The following SH3RF3 variants were observed in gnomAD, a reference collection of about 807,000 sequenced individuals.
The protein encoded by SH3RF3 is E3 ubiquitin-protein ligase SH3RF3.
A neutral mutation model predicts 66.3 loss-of-function variants in SH3RF3; 29 were observed. That is an observed-to-expected ratio of 0.44 (90% confidence interval 0.33 to 0.60). SH3RF3 has a LOEUF of 0.60. SH3RF3 is among the 20% of genes least tolerant of loss of function. The probability of loss-of-function intolerance (pLI) is 0.04; values close to 1 mark genes in which losing one functional copy is unlikely to be tolerated. For missense variants in SH3RF3, 1,194 were observed against 1,190.9 expected, an observed-to-expected ratio of 1.00 and a Z score of -0.04; for synonymous variants, 583 against 532.0, an observed-to-expected ratio of 1.10 and a Z score of -1.32.
intron 4 of SH3RF3, among the ~76,000 whole-genome samples, chr2:109,401,765 T>C (rs1020385378): frequency 6.6e-5 from 10 of 152,302 alleles, no homozygotes; most frequent in African/African-American, 2.2e-4. Flanking sequence ...CAGCCTCTCA[T>C]GTTGCCATGG....
chr2:109,130,038 C>T lies in SH3RF3; in HGVS notation c.498C>T (p.Phe166=), dbSNP rs1324649927. 1.8e-5 allele frequency: 24 copies of T among 1,354,688 alleles called. No homozygotes were observed. Among genetic ancestry groups the T allele is most frequent in the Non-Finnish European group, 2.3e-5 (24 of 1,056,506 alleles). 83.9% of individuals were successfully genotyped at this position (1,354,688 alleles called of 1,614,324 possible). Residue 166 remains phenylalanine, a synonymous_variant, in exon 1 of 10, where the codon TTC becomes TTT. Transcript: ENST00000309415. ...AAGSTPGSPV[F]LSAAAGSTAG... ...GCAGCACCCCGGGTTCCCCGGTTTT[C>T]CTCTCCGCGGCCGCGGGCAGCACCG...
At chr2:109,342,030 G>A (rs1272864269) in intron 1 of SH3RF3, among the ~76,000 whole-genome samples, 1 of 152,226 alleles carries the variant, frequency 6.6e-6, no homozygotes, top group Admixed American at 6.5e-5. Flanking sequence ...ACCCGCCGGG[G>A]CCTATGGACG....
intron 1 of SH3RF3, among the ~76,000 whole-genome samples, chr2:109,241,058 T>C (rs1474423832): frequency 6.6e-6 from 1 of 152,186 alleles, no homozygotes; most frequent in African/African-American, 2.4e-5. Flanking sequence ...ACTAAAAATA[T>C]ATGTTTAAAA....
chr2:109,252,254 G>A (rs75476731), intron 1 of SH3RF3, among the ~76,000 whole-genome samples: 39 of 144,586 alleles, frequency 2.7e-4, no homozygotes, highest in Admixed American at 2.7e-4. Context: ...TCTCAGAGGA[G>A]AAAAAAAAAA....
At chr2:109,315,131 A>G (rs1681843644) in intron 1 of SH3RF3, among the ~76,000 whole-genome samples, 1 of 152,190 alleles carries the variant, frequency 6.6e-6, no homozygotes, top group South Asian at 2.1e-4. Context: ...GAAAAAGGAA[A>G]CCTGTTTTAC....
chr2:109,446,651 G>A (rs1264549860), intron 7 of SH3RF3, among the ~76,000 whole-genome samples: 1 of 152,184 alleles, frequency 6.6e-6, no homozygotes, highest in Non-Finnish European at 1.5e-5. Context: ...AGGGGTGCTG[G>A]CACTGTGCCT....
At chr2:109,318,116 C>T (rs934176369) in intron 1 of SH3RF3, among the ~76,000 whole-genome samples, 7 of 150,822 alleles carry the variant, frequency 4.6e-5, no homozygotes, top group Admixed American at 3.3e-4. Context: ...AAAAAAGCCC[C>T]CTTTAAGCAG....
At chr2:109,464,790 C>T (rs1678296508) in intron 8 of SH3RF3, among the ~76,000 whole-genome samples, 1 of 152,226 alleles carries the variant, frequency 6.6e-6, no homozygotes, top group Admixed American at 6.5e-5. Flanking sequence ...GTACATGTGT[C>T]AGGACTGATG....
chr2:109,357,099 C>T (rs533157949), intron 2 of SH3RF3, among the ~76,000 whole-genome samples: 1 of 150,602 alleles, frequency 6.6e-6, no homozygotes, highest in African/African-American at 2.4e-5. Flanking sequence ...ATATTTAATA[C>T]TTATACATAA....
In SH3RF3 at chr2:109,255,088, C is replaced by T. The variant is rs147343125; in HGVS notation, c.574-92586C>T. On this transcript the variant is annotated intron_variant, in intron 1 of 9. Coordinates refer to ENST00000309415, the MANE Select transcript of SH3RF3 (RefSeq NM_001099289.3). ...AGGCTAAAAGACACAAGGTGGTACCCGTGTCATGGTGGTGGGAGGTTAAAG... is the reference window on the plus strand; with the variant it reads ...AGGCTAAAAGACACAAGGTGGTACCTGTGTCATGGTGGTGGGAGGTTAAAG... Among the ~76,000 whole-genome samples the T allele has an allele frequency of 2.3e-3, 355 of 152,162 alleles. 1 individual carries two copies. Among genetic ancestry groups the T allele is most frequent in the African/African-American group, 8.1e-3 (335 of 41,514 alleles).
chr2:109,368,805 T>C (rs1683200978), intron 2 of SH3RF3, among the ~76,000 whole-genome samples: 3 of 152,154 alleles, frequency 2.0e-5, no homozygotes, highest in Admixed American at 2.0e-4. Flanking sequence ...TAAAATTAAA[T>C]TTCTATCTTG....
intron 1 of SH3RF3, among the ~76,000 whole-genome samples, chr2:109,163,429 C>T (rs1362575030): frequency 9.3e-5 from 10 of 107,606 alleles, no homozygotes; most frequent in East Asian, 2.9e-4. Flanking sequence ...GACGGAGTCT[C>T]GCTCTGTCGC....
chr2:109,448,087 A>G (rs1677759506), intron 7 of SH3RF3, among the ~76,000 whole-genome samples: 1 of 152,112 alleles, frequency 6.6e-6, no homozygotes, highest in African/African-American at 2.4e-5. Context: ...TTGCTGAGTG[A>G]CATACCCAGT....
At chr2:109,196,886 G>A (rs1032469559) in intron 1 of SH3RF3, among the ~76,000 whole-genome samples, 2 of 152,192 alleles carry the variant, frequency 1.3e-5, no homozygotes, top group Non-Finnish European at 2.9e-5. Context: ...TTCCTTTGAG[G>A]ACCCCGGCAC....
intron 1 of SH3RF3, among the ~76,000 whole-genome samples, chr2:109,161,052 G>T (rs1307500575): frequency 2.0e-5 from 3 of 152,202 alleles, no homozygotes; most frequent in African/African-American, 7.2e-5. Flanking sequence ...AGAGGCAGAA[G>T]TAGGTGAGGG....
At chr2:109,255,423 A>G (rs186794470) in intron 1 of SH3RF3, among the ~76,000 whole-genome samples, 1 of 152,302 alleles carries the variant, frequency 6.6e-6, no homozygotes, top group East Asian at 1.9e-4. Context: ...AATGATCAGT[A>G]TGAAGGTCTG....
At chr2:109,404,410 T>C (rs528302812) in intron 4 of SH3RF3, among the ~76,000 whole-genome samples, 1 of 152,272 alleles carries the variant, frequency 6.6e-6, no homozygotes, top group Non-Finnish European at 1.5e-5. Context: ...TGAGTAGCCA[T>C]GTGGGAAATG....
At position 109,398,873 on chromosome 2, in the gene SH3RF3, G is replaced by A. The variant is rs760318732; in HGVS notation, c.1229G>A (p.Ser410Asn). 4 of 1,613,744 alleles carry A rather than the reference G, an allele frequency of 2.5e-6. No homozygotes were observed. The highest frequency in any genetic ancestry group is 2.5e-6 in the Non-Finnish European group (3 of 1,179,890). ...SMEISAPVLISSSDPRAAARI... is the reference protein window; with the variant it reads ...SMEISAPVLINSSDPRAAARI... ...GAAATTAGTGCTCCAGTGTTGATCAGCTCCAGCGATCCCCGAGCCGCGGCC... is the reference window on the plus strand; with the variant it reads ...GAAATTAGTGCTCCAGTGTTGATCAACTCCAGCGATCCCCGAGCCGCGGCC... Residue 410 changes from serine to asparagine, a missense_variant, in exon 4 of 10, where the codon AGC becomes AAC. By Grantham distance (46) the Ser-to-Asn change is conservative (BLOSUM62 1). Coordinates refer to ENST00000309415, the MANE Select transcript of SH3RF3 (RefSeq NM_001099289.3).
At chr2:109,219,652 T>C (rs2105141538) in intron 1 of SH3RF3, among the ~76,000 whole-genome samples, 1 of 152,230 alleles carries the variant, frequency 6.6e-6, no homozygotes, top group East Asian at 1.9e-4. Flanking sequence ...TTCTATAGAC[T>C]TGAACAATCC....
Sources: gnomAD v4.1 joint callset for allele counts (sites outside exome capture counted in the v4.1 genomes callset) on GRCh38, gnomAD v4.1.1 for gene constraint, MANE v1.5 for transcripts, NCBI Gene and HGNC (gene_info 2026-07-23, HGNC 2026-07-21) for gene names.